Variants in CSMD1 observed in about 807,000 individuals in gnomAD.
CSMD1 encodes CUB and sushi domain-containing protein 1.
Under a neutral mutation model 417.5 loss-of-function variants are expected in CSMD1, and 213 were observed. The ratio of observed to expected loss-of-function variants is 0.51; its 90% CI spans 0.46 to 0.57. The LOEUF is 0.57. CSMD1 is among the 20% of genes least tolerant of loss of function. CSMD1 has a pLI of 0.00. For synonymous variants in CSMD1, 2,862 were observed against 1,736.8 expected, an observed-to-expected ratio of 1.65 and a Z score of -16.11; for missense variants, 6,923 against 4,529.7, an observed-to-expected ratio of 1.53 and a Z score of -15.17.
chr8:4,238,781 G>T (rs1023494201), intron 3 of CSMD1, among the ~76,000 whole-genome samples: 3 of 152,162 alleles, frequency 2.0e-5, no homozygotes, highest in Non-Finnish European at 4.4e-5. Context: ...GTTGGGTAAA[G>T]AAGACTTAGG....
chr8:3,787,195 G>A (rs1584997588), intron 5 of CSMD1, among the ~76,000 whole-genome samples: 1 of 152,006 alleles, frequency 6.6e-6, no homozygotes, highest in South Asian at 2.1e-4. Flanking sequence ...AAAATGTCCA[G>A]AATTTTGTAT....
chr8:3,202,157 G>C (rs777968819), intron 31 of CSMD1, among the ~76,000 whole-genome samples: 4 of 152,028 alleles, frequency 2.6e-5, no homozygotes, highest in Non-Finnish European at 4.4e-5. Context: ...GACAGAGTGA[G>C]ACTCTGTCTC....
chr8:4,474,542 G>C (rs955694074), intron 2 of CSMD1, among the ~76,000 whole-genome samples: 5 of 152,180 alleles, frequency 3.3e-5, no homozygotes, highest in African/African-American at 1.2e-4. Flanking sequence ...ATGTCATGGG[G>C]TTTAGCACTT....
At chr8:3,640,647 T>C (rs75634877) in intron 7 of CSMD1, among the ~76,000 whole-genome samples, 2,498 of 152,318 alleles carry the variant, frequency 0.016, 71 homozygotes, top group African/African-American at 0.054. Flanking sequence ...GTAAATTAGA[T>C]ATTCCTTTGA....
intron 1 of CSMD1, among the ~76,000 whole-genome samples, chr8:4,956,247 A>AT (rs11346044): frequency 0.21 from 31,342 of 150,292 alleles, 4,125 homozygotes; most frequent in Non-Finnish European, 0.3. Flanking sequence ...CTTACTCGCT[A>AT]TTTTTTTTTA....
At chr8:3,847,321 G>C (rs1405248676) in intron 5 of CSMD1, among the ~76,000 whole-genome samples, 2 of 152,126 alleles carry the variant, frequency 1.3e-5, no homozygotes, top group African/African-American at 4.8e-5. Flanking sequence ...GACCTACTTA[G>C]AGGAACCCTT....
rs149346162 is a variant in CSMD1, at chr8:4,948,400, C to T, written c.85+45932G>A. Among the ~76,000 whole-genome samples the T allele has an allele frequency of 1.3e-3, 203 of 151,856 alleles. 1 individual carries two copies. The highest frequency in any genetic ancestry group is 4.4e-3 in the African/African-American group (182 of 41,496). ...TATATATTCTGTACTAGTTACTTGC[C>T]AGTCATTCATTGGGCATATCTATCT... On this transcript the variant is annotated intron_variant, in intron 1 of 69. Transcript: ENST00000635120.
rs150654068 is a variant in CSMD1, at chr8:4,599,026, T to G, written c.302+38316A>C. Among the ~76,000 whole-genome samples, 547 of 152,316 alleles carry G rather than the reference T, an allele frequency of 3.6e-3. 3 individuals carry two copies. Among genetic ancestry groups the G allele is most frequent in the African/African-American group, 0.013 (535 of 41,566 alleles). On this transcript the variant is annotated intron_variant, in intron 2 of 69. Coordinates refer to ENST00000635120, the MANE Select transcript of CSMD1 (RefSeq NM_033225.6). Reference sequence around the variant, plus strand: ...ATTATAAAATGGTTTAAAAATGTATTAAACTCTTTACTTATTTCTAAAGAA... The same window carrying G: ...ATTATAAAATGGTTTAAAAATGTATGAAACTCTTTACTTATTTCTAAAGAA...
At chr8:4,280,767 T>A (rs1459223034) in intron 3 of CSMD1, among the ~76,000 whole-genome samples, 1 of 152,196 alleles carries the variant, frequency 6.6e-6, no homozygotes, top group Non-Finnish European at 1.5e-5. Flanking sequence ...TAAAAACATG[T>A]TACTATATAT....
intron 3 of CSMD1, among the ~76,000 whole-genome samples, chr8:4,060,330 C>A (rs977341831): frequency 6.6e-6 from 1 of 152,162 alleles, no homozygotes; most frequent in Non-Finnish European, 1.5e-5. Flanking sequence ...AACCCACAGC[C>A]GATATCATAC....
At chr8:3,211,910 C>A (rs1797632317) in intron 30 of CSMD1, among the ~76,000 whole-genome samples, 1 of 152,146 alleles carries the variant, frequency 6.6e-6, no homozygotes, top group African/African-American at 2.4e-5. Context: ...AGGCTGGTGG[C>A]AAGACAAGAG....
chr8:3,355,176 A>G (rs2117684904), intron 21 of CSMD1, among the ~76,000 whole-genome samples: 1 of 152,084 alleles, frequency 6.6e-6, no homozygotes, highest in Middle Eastern at 3.4e-3. Context: ...AAGAGGATAT[A>G]TATCTCACTT....
chr8:3,911,137 T>C (rs938020982), intron 5 of CSMD1, among the ~76,000 whole-genome samples: 4 of 152,130 alleles, frequency 2.6e-5, no homozygotes, highest in Admixed American at 2.6e-4. Context: ...ATCACAGGAC[T>C]CAAAGAGCTC....
intron 3 of CSMD1, among the ~76,000 whole-genome samples, chr8:4,232,477 G>T (rs536066902): frequency 1.3e-5 from 2 of 152,156 alleles, no homozygotes; most frequent in Admixed American, 1.3e-4. Flanking sequence ...GGGATTACAG[G>T]CATGAGCAAC....
At chr8:4,157,772 G>A (rs1010991916) in intron 3 of CSMD1, among the ~76,000 whole-genome samples, 1 of 152,180 alleles carries the variant, frequency 6.6e-6, no homozygotes, top group African/African-American at 2.4e-5. Flanking sequence ...GCCTGGTCCA[G>A]CGTTCACAGC....
At chr8:3,937,626 C>T (rs1289453135) in intron 5 of CSMD1, among the ~76,000 whole-genome samples, 1 of 152,118 alleles carries the variant, frequency 6.6e-6, no homozygotes, top group Non-Finnish European at 1.5e-5. Context: ...ATGTCACTTG[C>T]TTTCTTGCAG....
chr8:4,291,403 C>G (rs1256135696), intron 3 of CSMD1, among the ~76,000 whole-genome samples: 4 of 151,962 alleles, frequency 2.6e-5, no homozygotes, highest in African/African-American at 4.8e-5. Flanking sequence ...AAGTAAATCT[C>G]CATAATTAAA....
chr8:3,088,895 G>A (rs1057473482), intron 48 of CSMD1, among the ~76,000 whole-genome samples: 2 of 150,396 alleles, frequency 1.3e-5, no homozygotes, highest in Admixed American at 1.3e-4. Context: ...CAATCAGACT[G>A]TAGATTCCTC....
In CSMD1 at chr8:4,159,713, C is replaced by A. The variant is rs10103793; in HGVS notation, c.416-127614G>T. On this transcript the variant is annotated intron_variant, in intron 3 of 69. Transcript: ENST00000635120. The stretch of plus-strand genomic sequence containing the variant: ...ACGCCATTCTCCTGCCTCAGCCTCC[C>A]GAGCAGCTGGGACTACAGGTGCCCG... Among the ~76,000 whole-genome samples, 1,064 of 152,206 alleles carry A rather than the reference C, an allele frequency of 7.0e-3. 14 individuals carry two copies. The highest frequency in any genetic ancestry group is 0.024 in the African/African-American group (1,011 of 41,528).
Sources: gnomAD v4.1 joint callset for allele counts (sites outside exome capture counted in the v4.1 genomes callset) on GRCh38, gnomAD v4.1.1 for gene constraint, MANE v1.5 for transcripts, NCBI Gene and HGNC (gene_info 2026-07-23, HGNC 2026-07-21) for gene names.